The following FAHD2A variants were observed in gnomAD, a reference collection of about 807,000 sequenced individuals.
The protein encoded by FAHD2A is oxaloacetate tautomerase FAHD2A, mitochondrial.
A neutral mutation model predicts 33.4 loss-of-function variants in FAHD2A; 27 were observed. The ratio of observed to expected loss-of-function variants is 0.81; its 90% CI spans 0.60 to 1.11. The LOEUF (loss-of-function observed/expected upper bound fraction) is 1.11. Ranked by LOEUF, FAHD2A falls within the 50% of genes most tolerant of loss-of-function variation. The pLI, the probability that FAHD2A is intolerant of heterozygous loss-of-function variation, is 0.00. For synonymous variants in FAHD2A, 130 were observed against 153.3 expected (o/e 0.85, Z 1.12); for missense variants, 296 against 395.0 (o/e 0.75, Z 2.12).
At chr2:95,419,810 A>G (rs1683289732), downstream of FAHD2A, among the ~76,000 whole-genome samples, 1 of 152,010 alleles carries the variant, frequency 6.6e-6, no homozygotes, top group Admixed American at 6.6e-5. Context: ...ACATGGAGAG[A>G]GAGAGAGAGG....
chr2:95,421,071 T>G (rs1322045211), downstream of FAHD2A, among the ~76,000 whole-genome samples: 1 of 141,532 alleles, frequency 7.1e-6, no homozygotes, highest in African/African-American at 2.9e-5. Context: ...ATCTACACAT[T>G]TCTCCACCTG....
Position 95,414,110 on chromosome 2 carries a change from G to T in FAHD2A, c.*1153G>T. The T allele has an allele frequency of 6.9e-7, 1 of 1,459,792 alleles. No homozygotes were observed. Among genetic ancestry groups the T allele is most frequent in the Non-Finnish European group, 9.5e-7 (1 of 1,052,688 alleles). The allele number at this position is 1,459,792 out of a possible 1,614,324, so 90.4% of individuals were successfully genotyped here. On this transcript the variant is annotated 3_prime_UTR_variant, in exon 8 of 8. Transcript: ENST00000233379. Reference sequence around the variant, plus strand: ...CTCTTGTTTAAAGAAGCCCAGGGAGGGATAGATCTCCGACTGGACAGAAGA... The same window carrying T: ...CTCTTGTTTAAAGAAGCCCAGGGAGTGATAGATCTCCGACTGGACAGAAGA...
Position 95,413,269 on chromosome 2 carries a change from T to C in FAHD2A, c.*312T>C, listed in dbSNP as rs1682823538. ...GCTGCTGGGCTGGGGAAAAGACAATTCGTGTCGTCCCCTTGTTTATCACAT... is the reference window on the plus strand; with the variant it reads ...GCTGCTGGGCTGGGGAAAAGACAATCCGTGTCGTCCCCTTGTTTATCACAT... On this transcript the variant is annotated 3_prime_UTR_variant, in exon 8 of 8. Coordinates refer to ENST00000233379, the MANE Select transcript of FAHD2A (RefSeq NM_016044.3). The C allele has an allele frequency of 7.4e-7, 1 of 1,344,320 alleles. No individual in the cohort carries two copies. Among genetic ancestry groups the C allele is most frequent in the Admixed American group, 2.9e-5 (1 of 34,462 alleles). The allele number at this position is 1,344,320 out of a possible 1,614,324, so 83.3% of individuals were successfully genotyped here.
chr2:95,411,645 AG>A, intron 5 of FAHD2A, among the ~76,000 whole-genome samples: 1 of 152,342 alleles, frequency 6.6e-6, no homozygotes, highest in African/African-American at 2.4e-5. Flanking sequence ...GCTCTACTTA[AG>A]GGGGGTAGAA....
chr2:95,410,608 C>T, intron 4 of FAHD2A, 22 bp downstream of exon 4: 1 of 1,612,776 alleles, frequency 6.2e-7, no homozygotes, highest in Non-Finnish European at 8.5e-7. Flanking sequence ...AGGGTGGGCT[C>T]CCAGTCCAGA....
downstream of FAHD2A, among the ~76,000 whole-genome samples, chr2:95,418,795 A>G (rs190485221): frequency 7.2e-5 from 11 of 152,216 alleles, no homozygotes; most frequent in Admixed American, 5.9e-4. Flanking sequence ...AGGCGGTCTT[A>G]TGGGTTAAAT....
At chr2:95,409,290 A>G (rs1393726271) in intron 3 of FAHD2A, among the ~76,000 whole-genome samples, 2 of 151,692 alleles carry the variant, frequency 1.3e-5, no homozygotes, top group African/African-American at 2.4e-5. Context: ...GACTGAATCT[A>G]TTATTGCACT....
At chr2:95,418,286 T>C (rs1308651357), downstream of FAHD2A, among the ~76,000 whole-genome samples, 2 of 151,818 alleles carry the variant, frequency 1.3e-5, no homozygotes, top group Non-Finnish European at 2.9e-5. Flanking sequence ...AAAGAGGATG[T>C]CTTGTACTTG....
At chr2:95,417,042 G>C (rs1170343058), downstream of FAHD2A, among the ~76,000 whole-genome samples, 4 of 152,198 alleles carry the variant, frequency 2.6e-5, no homozygotes, top group African/African-American at 9.7e-5. Context: ...CAGGCAAGGG[G>C]CACACAGAGT....
chr2:95,410,575 A>C lies in FAHD2A; in HGVS notation c.511A>C (p.Lys171Gln), dbSNP rs1216013137. The C allele has an allele frequency of 6.2e-7, 1 of 1,613,406 alleles. No homozygotes were observed. Residue 171 changes from lysine (K) to glutamine (Q), a missense_variant, in exon 4 of 8, where the codon AAG becomes CAG. Coordinates refer to ENST00000233379, the MANE Select transcript of FAHD2A (RefSeq NM_016044.3). ...GGCCGTGGTCATTGGAAAGAAAGGC[A>C]AGCACATCAAGGTGAGGTGGAAAGG... The part of the protein sequence containing the change: ...ELAVVIGKKG[K>Q]HIKATDAMAH...
intron 3 of FAHD2A, among the ~76,000 whole-genome samples, 181 bp from the exon 4 acceptor site, chr2:95,410,346 G>C (rs1467477452): frequency 6.6e-6 from 1 of 152,164 alleles, no homozygotes; most frequent in Non-Finnish European, 1.5e-5. Context: ...AAATGTATGG[G>C]TCTACAAGTC....
chr2:95,420,424 C>T (rs1683299520), downstream of FAHD2A, among the ~76,000 whole-genome samples: 1 of 152,022 alleles, frequency 6.6e-6, no homozygotes, highest in Non-Finnish European at 1.5e-5. Flanking sequence ...TCCAGTCTCC[C>T]ATTTCCCACC....
Position 95,413,015 on chromosome 2 carries a change from C to T in FAHD2A, c.*58C>T, listed in dbSNP as rs1682792468. ...GGGCATCTGCTCCCACTCAGCCTAG[C>T]CCAGGGAAAGGCCCAGTGACAGGTG... is the stretch of plus-strand genomic sequence containing the variant. On this transcript the variant is annotated 3_prime_UTR_variant, in exon 8 of 8. Transcript: ENST00000233379. 3 of 1,598,112 alleles carry T rather than the reference C, an allele frequency of 1.9e-6. No homozygotes were observed. Among genetic ancestry groups the T allele is most frequent in the Non-Finnish European group, 2.6e-6 (3 of 1,170,128 alleles).
rs1243691454 is a variant in FAHD2A, at chr2:95,413,441, T to C, written c.*484T>C. The C allele has an allele frequency of 4.4e-6, 7 of 1,607,656 alleles. No homozygotes were observed. Among genetic ancestry groups the C allele is most frequent in the South Asian group, 1.1e-5 (1 of 90,126 alleles). On this transcript the variant is annotated 3_prime_UTR_variant, in exon 8 of 8. Coordinates refer to ENST00000233379, the MANE Select transcript of FAHD2A (RefSeq NM_016044.3). ...CTCAGAAGTCTCAGCACAGGCTCCT[T>C]CTCACAGTTCTAGCTACAAGTGAAC...
rs1263982684 is a variant in FAHD2A, at chr2:95,415,531, A to G, written c.*2574A>G. On this transcript the variant is annotated 3_prime_UTR_variant, in exon 8 of 8. Coordinates refer to ENST00000233379, the MANE Select transcript of FAHD2A (RefSeq NM_016044.3). ...GATTCGGTAAACACAAGCTGAATAAATTTATAAATATCAGCATTAAGCGAG... is the reference window on the plus strand; with the variant it reads ...GATTCGGTAAACACAAGCTGAATAAGTTTATAAATATCAGCATTAAGCGAG... 6.6e-6 allele frequency: 1 copy of G among 152,648 alleles called. No homozygotes were observed. The highest frequency in any genetic ancestry group is 6.5e-5 in the Admixed American group (1 of 15,286). The allele number at this position is 152,648 out of a possible 1,614,324, so 9.5% of individuals were successfully genotyped here.
chr2:95,410,474 G>A (rs924436055), intron 3 of FAHD2A, 53 bp from the exon 4 acceptor site: 1 of 1,572,666 alleles, frequency 6.4e-7, no homozygotes, highest in African/African-American at 1.3e-5. Context: ...CTCTCAGCAT[G>A]GACAGTGGGC....
downstream of FAHD2A, among the ~76,000 whole-genome samples, chr2:95,419,189 C>A (rs1408636578): frequency 2.0e-5 from 3 of 152,004 alleles, 1 homozygote; most frequent in African/African-American, 7.3e-5. Context: ...CTGAAGCAAC[C>A]CAATTTGTGG....
intron 2 of FAHD2A, among the ~76,000 whole-genome samples, chr2:95,406,024 T>C (rs986844489): frequency 4.5e-4 from 69 of 151,750 alleles, no homozygotes; most frequent in Non-Finnish European, 8.4e-4. Context: ...TGATTAACAA[T>C]TTGAAGGCCA....
chr2:95,411,043 T>C lies in FAHD2A; in HGVS notation c.685+17T>C, dbSNP rs756885595. ...GTGTAGCAGGTAGGTCCCTGGTCCC[T>C]GCCCCCTTATACCTACCATTGCACA... On this transcript the variant is annotated intron_variant, in intron 5 of 7. Transcript: ENST00000233379. 1.2e-6 allele frequency: 2 copies of C among 1,613,460 alleles called. No homozygotes were observed. The highest frequency in any genetic ancestry group is 8.5e-7 in the Non-Finnish European group (1 of 1,179,572).
Sources: allele counts gnomAD v4.1 joint callset (sites outside exome capture counted in the v4.1 genomes callset), GRCh38; gene constraint gnomAD v4.1.1; transcripts MANE v1.5; gene names NCBI Gene and HGNC (gene_info 2026-07-23, HGNC 2026-07-21).